The following GABRB1 variants were observed in gnomAD, a reference collection of about 807,000 sequenced individuals.
GABRB1 encodes gamma-aminobutyric acid type A receptor subunit beta1.
In GABRB1, 17 loss-of-function variants were observed where a neutral mutation model predicts 51.6. That is an observed-to-expected ratio of 0.33 (90% CI 0.23 to 0.49). GABRB1 has a LOEUF of 0.49. Ranked by LOEUF, GABRB1 falls within the 20% of genes least tolerant of loss-of-function variation. GABRB1 has a pLI of 0.99. For synonymous variants in GABRB1, 247 were observed against 218.9 expected (o/e 1.13, Z -1.14); for missense variants, 410 against 600.6 (o/e 0.68, Z 3.32).
At chr4:47,416,615 C>T (rs527317923) in intron 8 of GABRB1, among the ~76,000 whole-genome samples, 1 of 152,094 alleles carries the variant, frequency 6.6e-6, no homozygotes, top group South Asian at 2.1e-4. Flanking sequence ...CCACACCCGG[C>T]TAATTTTTGT....
intron 4 of GABRB1, among the ~76,000 whole-genome samples, chr4:47,197,789 T>G (rs1470134104): frequency 6.6e-6 from 1 of 152,214 alleles, no homozygotes; most frequent in East Asian, 1.9e-4. Flanking sequence ...TCATTCATAC[T>G]CTGTCATTCA....
intron 3 of GABRB1, among the ~76,000 whole-genome samples, chr4:47,079,417 T>C (rs929028419): frequency 6.6e-6 from 1 of 152,198 alleles, no homozygotes; most frequent in Non-Finnish European, 1.5e-5. Context: ...TTTATAGTAT[T>C]CTCTGATGGT....
intron 8 of GABRB1, among the ~76,000 whole-genome samples, chr4:47,421,412 A>G (rs1194427690): frequency 2.6e-5 from 4 of 152,112 alleles, no homozygotes; most frequent in Non-Finnish European, 5.9e-5. Context: ...ATAATAATGT[A>G]ACTTAATGAT....
intron 3 of GABRB1, among the ~76,000 whole-genome samples, chr4:47,107,822 T>C (rs182971731): frequency 1.9e-4 from 29 of 152,116 alleles, no homozygotes; most frequent in African/African-American, 6.7e-4. Context: ...TAAAACAGGA[T>C]TTTCCCAAAA....
chr4:47,017,164 T>C (rs1196954762), intron 1 of GABRB1, among the ~76,000 whole-genome samples: 3 of 152,196 alleles, frequency 2.0e-5, no homozygotes, highest in Non-Finnish European at 4.4e-5. Context: ...TGTGCGGCCT[T>C]CTCCATGTTT....
chr4:47,292,906 G>C (rs1723804611), intron 4 of GABRB1, among the ~76,000 whole-genome samples: 1 of 152,142 alleles, frequency 6.6e-6, no homozygotes, highest in Non-Finnish European at 1.5e-5. Context: ...ATTCATGAGG[G>C]TGGAGCACTC....
At chr4:47,026,819 G>A (rs990986829), upstream of GABRB1, among the ~76,000 whole-genome samples, 1 of 151,886 alleles carries the variant, frequency 6.6e-6, no homozygotes. Flanking sequence ...AATTATCTCA[G>A]TAGAGGTTAA....
In GABRB1 at chr4:47,426,428, C is replaced by CAAAAAAAAAAAAAAAAAA. The variant is rs59682924; in HGVS notation, c.*412_*429dup. 1.2e-5 allele frequency: 1 copy of CAAAAAAAAAAAAAAAAAA among 84,828 alleles called. No individual in the cohort carries two copies. Among genetic ancestry groups the CAAAAAAAAAAAAAAAAAA allele is most frequent in the African/African-American group, 3.6e-5 (1 of 27,650 alleles). The allele number at this position is 84,828 out of a possible 1,614,324, so 5.3% of individuals were successfully genotyped here. A position where few individuals can be genotyped will look rare whatever the true frequency, so the allele number is the denominator to read the frequency against. On this transcript the variant is annotated 3_prime_UTR_variant, in exon 9 of 9. Transcript: ENST00000295454. ...GTAAACTATAACAAACTTATGCTGC[C>CAAAAAAAAAAAAAAAAAA]AAAAAAAAAAAAAAAAAAACATAAA...
intron 5 of GABRB1, among the ~76,000 whole-genome samples, chr4:47,389,509 G>A (rs749133956): frequency 6.6e-6 from 1 of 152,204 alleles, no homozygotes; most frequent in Non-Finnish European, 1.5e-5. Flanking sequence ...CTATCTGTAA[G>A]CAGTGGATGA....
chr4:47,262,407 A>G lies in GABRB1; in HGVS notation c.462-57720A>G, dbSNP rs539062415. ...AGGATATGAACAGACACTTCTCAAA[A>G]GAAGACATTTATGCAGCCAACAGAC... On this transcript the variant is annotated intron_variant, in intron 4 of 8. Coordinates refer to ENST00000295454, the MANE Select transcript of GABRB1 (RefSeq NM_000812.4). 3.9e-5 allele frequency among the ~76,000 whole-genome samples: 6 copies of G among 152,340 alleles called. No individual in the cohort carries two copies. The South Asian group carries it at 1.0e-3, about 26-fold the overall frequency.
intron 5 of GABRB1, among the ~76,000 whole-genome samples, chr4:47,371,705 T>A (rs893857926): frequency 2.6e-5 from 4 of 152,234 alleles, no homozygotes; most frequent in African/African-American, 9.6e-5. Flanking sequence ...TGAGCTTTTT[T>A]TCATTTGTTT....
chr4:47,378,081 C>T (rs988807887), intron 5 of GABRB1, among the ~76,000 whole-genome samples: 1 of 152,142 alleles, frequency 6.6e-6, no homozygotes, highest in Non-Finnish European at 1.5e-5. Context: ...GACTGGGCGC[C>T]GTAGAGCAGG....
At chr4:47,096,590 G>T (rs1283163771) in intron 3 of GABRB1, among the ~76,000 whole-genome samples, 1 of 152,178 alleles carries the variant, frequency 6.6e-6, no homozygotes, top group Non-Finnish European at 1.5e-5. Flanking sequence ...TTAATTTAAG[G>T]ACCTTGAGAT....
chr4:47,180,820 G>A (rs1389066052), intron 4 of GABRB1, among the ~76,000 whole-genome samples: 1 of 151,998 alleles, frequency 6.6e-6, no homozygotes, highest in Non-Finnish European at 1.5e-5. Flanking sequence ...GCTTTGACAG[G>A]TGGTAGAATT....
chr4:47,157,789 T>C (rs1173788866), intron 3 of GABRB1, among the ~76,000 whole-genome samples: 1 of 152,114 alleles, frequency 6.6e-6, no homozygotes, highest in Non-Finnish European at 1.5e-5. Context: ...ATTAAGGTTA[T>C]CAATATCATA....
intron 4 of GABRB1, among the ~76,000 whole-genome samples, chr4:47,317,033 G>A (rs1054658782): frequency 7.9e-5 from 12 of 151,712 alleles, no homozygotes; most frequent in Admixed American, 7.9e-4. Context: ...TTTACATACT[G>A]AGGTCCCTTA....
chr4:47,289,735 T>G (rs1045664021), intron 4 of GABRB1, among the ~76,000 whole-genome samples: 2 of 152,232 alleles, frequency 1.3e-5, no homozygotes, highest in African/African-American at 4.8e-5. Context: ...ATGTATAGCC[T>G]GGGATGATAA....
In GABRB1 at chr4:47,194,458, G is replaced by C. The variant is rs577340360; in HGVS notation, c.461+32989G>C. Among the ~76,000 whole-genome samples the C allele has an allele frequency of 2.2e-4, 33 of 152,112 alleles. No individual in the cohort carries two copies. In the South Asian group the frequency reaches 2.3e-3, roughly 11 times the overall value. ...GGGAAGACACATACAGCTGTCTTTGGGGGTTATATTATCTTTTCTCATTCC... is the reference window on the plus strand; with the variant it reads ...GGGAAGACACATACAGCTGTCTTTGCGGGTTATATTATCTTTTCTCATTCC... On this transcript the variant is annotated intron_variant, in intron 4 of 8. Coordinates refer to ENST00000295454, the MANE Select transcript of GABRB1 (RefSeq NM_000812.4).
At chr4:47,253,556 T>C (rs1380233134) in intron 4 of GABRB1, among the ~76,000 whole-genome samples, 2 of 152,242 alleles carry the variant, frequency 1.3e-5, no homozygotes, top group African/African-American at 4.8e-5. Flanking sequence ...ATTTACAAAT[T>C]GTTCCTTTCC....
Sources: allele counts gnomAD v4.1 joint callset (sites outside exome capture counted in the v4.1 genomes callset), GRCh38; gene constraint gnomAD v4.1.1; transcripts MANE v1.5; gene names NCBI Gene and HGNC (gene_info 2026-07-23, HGNC 2026-07-21).